Variants in RAPGEF4 observed in about 807,000 individuals in gnomAD.
RAPGEF4 encodes the protein Rap guanine nucleotide exchange factor 4, also known as RAP guanine-nucleotide-exchange factor (GEF) 4.
In RAPGEF4, 66 loss-of-function variants were observed where a neutral mutation model predicts 147.9. That is an observed-to-expected ratio of 0.45 (90% CI 0.37 to 0.55). The LOEUF is 0.55. RAPGEF4 is among the 20% of genes least tolerant of loss of function. The pLI, the probability that RAPGEF4 is intolerant of heterozygous loss-of-function variation, is 0.00. For synonymous variants in RAPGEF4, 419 were observed against 442.7 expected, an observed-to-expected ratio of 0.95 and a Z score of 0.67; for missense variants, 1,071 against 1,257.3, an observed-to-expected ratio of 0.85 and a Z score of 2.24.
intron 4 of RAPGEF4, among the ~76,000 whole-genome samples, chr2:172,841,850 C>CT (rs1377937970): frequency 1.4e-4 from 9 of 65,322 alleles, no homozygotes; most frequent in Non-Finnish European, 2.2e-4. Flanking sequence ...TACACACACA[C>CT]ACGAACATAA....
intron 15 of RAPGEF4, among the ~76,000 whole-genome samples, chr2:172,994,565 T>G (rs550241876): frequency 6.6e-6 from 1 of 152,378 alleles, no homozygotes; most frequent in South Asian, 2.1e-4. Flanking sequence ...CCCACCTAGC[T>G]GTCTAGGGCA....
chr2:172,825,553 T>A (rs891931266), intron 4 of RAPGEF4, among the ~76,000 whole-genome samples: 1 of 152,246 alleles, frequency 6.6e-6, no homozygotes, highest in Non-Finnish European at 1.5e-5. Flanking sequence ...ATGTAACATA[T>A]CCTCTTTTGG....
intron 5 of RAPGEF4, 164 bp downstream of exon 5, chr2:172,918,038 TG>T (rs1684270326): frequency 1.3e-6 from 1 of 765,464 alleles, no homozygotes; most frequent in East Asian, 2.5e-5. Flanking sequence ...TTTAAAGAAA[TG>T]GTTAATATAG....
chr2:172,951,402 G>A (rs1329185719), intron 6 of RAPGEF4, among the ~76,000 whole-genome samples: 4 of 152,194 alleles, frequency 2.6e-5, no homozygotes, highest in Non-Finnish European at 5.9e-5. Context: ...GAGTAGTTCT[G>A]TATGCCAAGA....
chr2:172,735,970 C>T lies in RAPGEF4; in HGVS notation c.-14C>T. 1 of 1,456,798 alleles carries T rather than the reference C, an allele frequency of 6.9e-7. No homozygotes were observed. Among genetic ancestry groups the T allele is most frequent in the Non-Finnish European group, 9.1e-7 (1 of 1,101,804 alleles). 90.2% of individuals were successfully genotyped at this position (1,456,798 alleles called of 1,614,324 possible). On this transcript the variant is annotated 5_prime_UTR_variant, in exon 1 of 31. Transcript: ENST00000397081. ...GGTCGCCGCAGCCAGGGACACCGCG[C>T]GCCGCCGCTCAACATGGTCGCTGCG... is the stretch of plus-strand genomic sequence containing the variant.
chr2:172,800,919 A>G (rs1686914725), intron 3 of RAPGEF4, among the ~76,000 whole-genome samples: 1 of 152,156 alleles, frequency 6.6e-6, no homozygotes, highest in Non-Finnish European at 1.5e-5. Flanking sequence ...AATAGACCCC[A>G]ATGAGGAGGG....
chr2:172,764,026 G>A (rs1375068949), intron 1 of RAPGEF4, among the ~76,000 whole-genome samples: 1 of 152,020 alleles, frequency 6.6e-6, no homozygotes, highest in African/African-American at 2.4e-5. Context: ...CGAGATGGGA[G>A]GATCACTCGA....
chr2:172,897,168 T>C (rs1431241329), intron 4 of RAPGEF4, among the ~76,000 whole-genome samples: 1 of 152,210 alleles, frequency 6.6e-6, no homozygotes, highest in African/African-American at 2.4e-5. Flanking sequence ...AACAGCTTCA[T>C]TGAAGTGTAA....
rs1288036508 is a variant in RAPGEF4, at chr2:172,978,581, G to A, written c.1005-4915G>A. On this transcript the variant is annotated intron_variant, in intron 10 of 30. Coordinates refer to ENST00000397081, the MANE Select transcript of RAPGEF4 (RefSeq NM_007023.4). Reference sequence around the variant, plus strand: ...AGTGTGACAGGCGTGGAAAGGTAGGGGCCTGACCAAGTGGTGGGGCCTTTT... The same window carrying A: ...AGTGTGACAGGCGTGGAAAGGTAGGAGCCTGACCAAGTGGTGGGGCCTTTT... Among the ~76,000 whole-genome samples, 4 of 152,126 alleles carry A rather than the reference G, an allele frequency of 2.6e-5. No homozygotes were observed. In the East Asian group the frequency reaches 7.7e-4, roughly 29 times the overall value.
intron 6 of RAPGEF4, among the ~76,000 whole-genome samples, chr2:172,947,901 T>C (rs1312134806): frequency 6.6e-6 from 1 of 152,156 alleles, no homozygotes; most frequent in Non-Finnish European, 1.5e-5. Context: ...ATAAACAGCA[T>C]TTAGATCAAG....
intron 24 of RAPGEF4, 105 bp from the exon 25 acceptor site, chr2:173,026,976 C>T (rs1274056419): frequency 2.8e-6 from 3 of 1,061,176 alleles, no homozygotes; most frequent in Non-Finnish European, 4.0e-6. Context: ...GTCTGATTGA[C>T]TTCACATTTG....
intron 1 of RAPGEF4, chr2:172,744,445 T>A (rs13005651): frequency 0.12 from 52,891 of 455,946 alleles, 3,553 homozygotes; most frequent in Non-Finnish European, 0.14. Context: ...AATGCAAACG[T>A]TGCGTGGTCA....
At chr2:172,935,486 T>C (rs1194448891) in intron 6 of RAPGEF4, among the ~76,000 whole-genome samples, 5 of 152,116 alleles carry the variant, frequency 3.3e-5, no homozygotes, top group Admixed American at 2.0e-4. Flanking sequence ...GTTCATTGCT[T>C]CTCGCCAGTG....
At chr2:172,921,992 A>G (rs1276325731) in intron 5 of RAPGEF4, among the ~76,000 whole-genome samples, 1 of 152,222 alleles carries the variant, frequency 6.6e-6, no homozygotes, top group Non-Finnish European at 1.5e-5. Context: ...TCATGGTGAG[A>G]ATGAATCAGT....
chr2:173,026,793 T>G, intron 24 of RAPGEF4, 96 bp downstream of exon 24: 2 of 1,485,254 alleles, frequency 1.3e-6, no homozygotes, highest in East Asian at 2.3e-5. Flanking sequence ...TGCTACAATA[T>G]GGAAACCACA....
At chr2:172,924,412 T>C (rs1685067126) in intron 6 of RAPGEF4, among the ~76,000 whole-genome samples, 2 of 152,374 alleles carry the variant, frequency 1.3e-5, no homozygotes. Flanking sequence ...GTTAGCATGT[T>C]GTTCTGAAAG....
chr2:173,034,102 G>A, intron 27 of RAPGEF4, 138 bp downstream of exon 27: 1 of 720,598 alleles, frequency 1.4e-6, no homozygotes. Context: ...TTTTAGTGCT[G>A]CTAAAACAAG....
intron 4 of RAPGEF4, among the ~76,000 whole-genome samples, chr2:172,864,452 G>A (rs1212336010): frequency 2.0e-5 from 3 of 152,162 alleles, no homozygotes; most frequent in Admixed American, 6.5e-5. Flanking sequence ...TCTGGGATTC[G>A]GCTCTTGACT....
chr2:172,739,702 C>T (rs115222711), intron 1 of RAPGEF4, among the ~76,000 whole-genome samples: 3,788 of 152,178 alleles, frequency 0.025, 61 homozygotes, highest in South Asian at 0.043. Flanking sequence ...ATATTTTTCC[C>T]GTAAGATTTT....
Sources: allele counts gnomAD v4.1 joint callset (sites outside exome capture counted in the v4.1 genomes callset), GRCh38; gene constraint gnomAD v4.1.1; transcripts MANE v1.5; gene names NCBI Gene and HGNC (gene_info 2026-07-23, HGNC 2026-07-21).